TPPP2: variants seen among roughly 807,000 people sequenced by gnomAD.
TPPP2 encodes the protein tubulin polymerization-promoting protein family member 2.
Under a neutral mutation model 13.0 loss-of-function variants are expected in TPPP2, and 8 were observed. The ratio of observed to expected loss-of-function variants is 0.62; its 90% CI spans 0.36 to 1.11. The LOEUF (loss-of-function observed/expected upper bound fraction) is 1.11, where lower values mean the gene tolerates loss of function less well. Ranked by LOEUF, TPPP2 falls within the 50% of genes most tolerant of loss-of-function variation. The pLI, the probability that TPPP2 is intolerant of heterozygous loss-of-function variation, is 0.02. For synonymous variants in TPPP2, 81 were observed against 81.8 expected (o/e 0.99, Z 0.05); for missense variants, 213 against 216.9 (o/e 0.98, Z 0.11).
At chr14:21,027,087 G>A (rs141206857), upstream of TPPP2, among the ~76,000 whole-genome samples, 300 of 152,310 alleles carry the variant, frequency 2.0e-3, 1 homozygote, top group African/African-American at 6.7e-3. Flanking sequence ...AGGGGCCTAC[G>A]CAGGGGCGCA....
downstream of TPPP2, among the ~76,000 whole-genome samples, chr14:21,035,260 C>G (rs937406488): frequency 3.3e-5 from 5 of 152,250 alleles, no homozygotes; most frequent in Non-Finnish European, 5.9e-5. Context: ...TACTGGAAAT[C>G]TCTGCATGCT....
rs3818615 is a variant in TPPP2 at position 21,032,296 on chromosome 14, T to A, written c.*219T>A. 0.3 allele frequency: 195,427 copies of A among 647,012 alleles called. 31,387 individuals carry two copies. The highest frequency in any genetic ancestry group is 0.4 in the East Asian group (12,770 of 32,238). 40.1% of individuals were successfully genotyped at this position (647,012 alleles called of 1,614,324 possible). On this transcript the variant is annotated 3_prime_UTR_variant, in exon 4 of 4. Transcript: ENST00000321760. ...TGCTTAGCCTTATGCCTACCAGCCA[T>A]CAGTTAGCATTCCTCCTCAACAGCT... is the stretch of plus-strand genomic sequence containing the variant.
chr14:21,035,495 A>G (rs1884561553), downstream of TPPP2, among the ~76,000 whole-genome samples: 1 of 152,162 alleles, frequency 6.6e-6, no homozygotes, highest in South Asian at 2.1e-4. Context: ...CTTGCCCTTG[A>G]CTTCCACAGG....
intron 1 of TPPP2, 98 bp downstream of exon 1, chr14:21,030,402 C>T (rs565841634): frequency 2.7e-5 from 17 of 628,072 alleles, no homozygotes; most frequent in Non-Finnish European, 3.9e-5. Context: ...GCTGTAGTTG[C>T]GTAGGTGCAA....
At chr14:21,034,260 A>G (rs918992015), downstream of TPPP2, 3 of 1,612,980 alleles carry the variant, frequency 1.9e-6, no homozygotes, top group Admixed American at 3.3e-5. Context: ...AAGCTGGAGG[A>G]AAAGGAGCCG....
intron 2 of TPPP2, 70 bp from the exon 3 acceptor site, chr14:21,030,942 G>A (rs1259472530): frequency 6.5e-7 from 1 of 1,547,950 alleles, no homozygotes; most frequent in African/African-American, 1.4e-5. Context: ...TCTGAGTGAG[G>A]CAAGAGTTGG....
At chr14:21,036,145 T>C (rs1026934316), downstream of TPPP2, 11 of 455,500 alleles carry the variant, frequency 2.4e-5, no homozygotes, top group Non-Finnish European at 4.0e-5. Flanking sequence ...CTGACAATCT[T>C]AAACTTTTCC....
chr14:21,027,936 T>C (rs1883807425), upstream of TPPP2, among the ~76,000 whole-genome samples: 1 of 152,212 alleles, frequency 6.6e-6, no homozygotes, highest in South Asian at 2.1e-4. Context: ...GGCAGAAACA[T>C]TCAGGTTACT....
Position 21,031,026 on chromosome 14 carries a change from G to A in TPPP2, c.188G>A (p.Arg63Gln), listed in dbSNP as rs185684452. The stretch of plus-strand genomic sequence containing the variant: ...TAACTGACCAGGGCCAAGAACGCCC[G>A]AACCATCACGTTTCAACAGTTCAAA... ...VFSKVKAKNA[R>Q]TITFQQFKEA... The change falls in exon 3 of 4, where the codon CGA becomes CAA. Residue 63 changes from arginine (R) to glutamine (Q), a missense_variant. Transcript: ENST00000321760. 7.3e-5 allele frequency: 118 copies of A among 1,610,044 alleles called. No individual in the cohort carries two copies. Among genetic ancestry groups the A allele is most frequent in the East Asian group, 4.7e-4 (21 of 44,844 alleles).
upstream of TPPP2, among the ~76,000 whole-genome samples, chr14:21,027,566 G>T (rs1291878265): frequency 6.6e-6 from 1 of 152,134 alleles, no homozygotes; most frequent in Non-Finnish European, 1.5e-5. Flanking sequence ...CACATAATAG[G>T]TATAGTATCC....
At chr14:21,033,996 T>C (rs762612022), downstream of TPPP2, 2 of 1,614,074 alleles carry the variant, frequency 1.2e-6, no homozygotes, top group East Asian at 4.5e-5. Flanking sequence ...TGTGCAGTAT[T>C]CATTGTAATT....
At position 21,030,757 on chromosome 14, in the gene TPPP2, G is replaced by A. The variant is rs557577765; in HGVS notation, c.173+3G>A. 1 of 1,613,368 alleles carries A rather than the reference G, an allele frequency of 6.2e-7. No homozygotes were observed. The highest frequency in any genetic ancestry group is 1.3e-5 in the African/African-American group (1 of 75,042). On this transcript the variant is annotated splice_donor_region_variant and intron_variant, in intron 2 of 3. Transcript: ENST00000321760. ...GACATCGTGTTCAGCAAAGTCAAGTGAGGAGCCAAAAATATGGAGGTGGGG... is the reference window on the plus strand; with the variant it reads ...GACATCGTGTTCAGCAAAGTCAAGTAAGGAGCCAAAAATATGGAGGTGGGG...
chr14:21,024,743 G>C (rs964210181), intron 1 of TPPP2: 1 of 985,318 alleles, frequency 1.0e-6, no homozygotes, highest in Non-Finnish European at 1.2e-6. Flanking sequence ...CCCAGCACCC[G>C]GAACCCGTCC....
Position 21,030,752 on chromosome 14 carries a change from C to A in TPPP2, c.171C>A (p.Val57=). Residue 57 remains valine, a splice_region_variant and synonymous_variant, in exon 2 of 4, where the codon GTC becomes GTA. Coordinates refer to ENST00000321760, the MANE Select transcript of TPPP2 (RefSeq NM_173846.5). ...ACGTGGACATCGTGTTCAGCAAAGT[C>A]AAGTGAGGAGCCAAAAATATGGAGG... ...STDVDIVFSK[V]KAKNARTITF... The A allele has an allele frequency of 6.2e-7, 1 of 1,613,534 alleles. No individual in the cohort carries two copies. The highest frequency in any genetic ancestry group is 1.1e-5 in the South Asian group (1 of 90,964).
chr14:21,025,448 G>A (rs567142850), upstream of TPPP2: 436 of 985,538 alleles, frequency 4.4e-4, 3 homozygotes, highest in African/African-American at 7.1e-3. This position sits in a 1 kb window ranked among gnomAD's most constrained non-coding sequence, Gnocchi z 5.1. Context: ...TCAGTGGTGG[G>A]AACCGGTAGT....
rs569699209 is a variant in TPPP2 at position 21,030,640 on chromosome 14, G to C, written c.59G>C (p.Ser20Thr). ...HRFAAFGESSSSGTEMNNKNF... is the reference protein window; with the variant it reads ...HRFAAFGESSTSGTEMNNKNF... ...TTTGCTGCGTTTGGAGAATCATCAA[G>C]CAGTGGCACTGAAATGAACAACAAG... Residue 20 changes from serine (S) to threonine (T), a missense_variant, in exon 2 of 4, where the codon AGC (serine) becomes ACC (threonine). Coordinates refer to ENST00000321760, the MANE Select transcript of TPPP2 (RefSeq NM_173846.5). 6.2e-7 allele frequency: 1 copy of C among 1,614,072 alleles called. No individual in the cohort carries two copies. Among genetic ancestry groups the C allele is most frequent in the South Asian group, 1.1e-5 (1 of 91,042 alleles).
rs896069216 is a variant in TPPP2, at chr14:21,032,466, C to T, written c.*389C>T. The T allele has an allele frequency of 2.5e-5, 10 of 397,138 alleles. No individual in the cohort carries two copies. The highest frequency in any genetic ancestry group is 4.5e-5 in the Non-Finnish European group (9 of 200,638). 24.6% of individuals were successfully genotyped at this position (397,138 alleles called of 1,614,324 possible). A position where few individuals can be genotyped will look rare whatever the true frequency, so the allele number is the denominator to read the frequency against. ...CTCAAAAGGGTGTAGCAATTCCTCA[C>T]GTGATGGACTATGACTATATCACAT... On this transcript the variant is annotated 3_prime_UTR_variant, in exon 4 of 4. Coordinates refer to ENST00000321760, the MANE Select transcript of TPPP2 (RefSeq NM_173846.5).
At chr14:21,033,681 T>G (rs111247802), downstream of TPPP2, 306 of 683,992 alleles carry the variant, frequency 4.5e-4, 1 homozygote, top group Middle Eastern at 3.8e-3. Flanking sequence ...CCTGGACATT[T>G]TCGCACCCAC....
Position 21,030,318 on chromosome 14 carries a change from G to T in TPPP2, c.-70+14G>T, listed in dbSNP as rs1348511129. ...GGGTACTCTAAGGTACATAAAAGAGGTAGGGGAAAGAGAGGATCATTCAGT... is the reference window on the plus strand; with the variant it reads ...GGGTACTCTAAGGTACATAAAAGAGTTAGGGGAAAGAGAGGATCATTCAGT... On this transcript the variant is annotated intron_variant, in intron 1 of 3. Coordinates refer to ENST00000321760, the MANE Select transcript of TPPP2 (RefSeq NM_173846.5). The T allele has an allele frequency of 2.2e-6, 1 of 455,306 alleles. No individual in the cohort carries two copies. The highest frequency in any genetic ancestry group is 2.0e-5 in the African/African-American group (1 of 50,924). 28.2% of individuals were successfully genotyped at this position (455,306 alleles called of 1,614,324 possible). A position where few individuals can be genotyped will look rare whatever the true frequency, so the allele number is the denominator to read the frequency against.
Sources: allele counts gnomAD v4.1 joint callset (sites outside exome capture counted in the v4.1 genomes callset), GRCh38; gene constraint gnomAD v4.1.1; non-coding constraint Gnocchi (gnomAD v3.1); transcripts MANE v1.5; gene names NCBI Gene and HGNC (gene_info 2026-07-23, HGNC 2026-07-21).